NFIB: variants seen among roughly 807,000 people sequenced by gnomAD.
NFIB encodes the protein nuclear factor 1 B-type.
In NFIB, 11 loss-of-function variants were observed where a neutral mutation model predicts 61.5. The observed-to-expected ratio is 0.18, with a 90% CI of 0.11 to 0.30. The LOEUF is 0.30. Among genes scored for constraint, NFIB ranks in the 10% least tolerant of loss-of-function variants. The pLI is 1.00. For synonymous variants in NFIB, 260 were observed against 216.5 expected (o/e 1.20, Z -1.76); for missense variants, 471 against 608.9 (o/e 0.77, Z 2.38).
chr9:14,117,643 C>T (rs1296361345), intron 8 of NFIB, among the ~76,000 whole-genome samples: 2 of 152,064 alleles, frequency 1.3e-5, no homozygotes, highest in African/African-American at 4.8e-5. Flanking sequence ...CCTCAGAGGC[C>T]ACATTATTTA....
intron 1 of NFIB, among the ~76,000 whole-genome samples, chr9:14,356,426 G>C (rs867032835): frequency 4.6e-5 from 7 of 152,150 alleles, no homozygotes; most frequent in African/African-American, 9.7e-5. Flanking sequence ...AGTGTTTGGG[G>C]TTGAGGGCTA....
the NFIB span, among the ~76,000 whole-genome samples, chr9:14,416,113 A>G: frequency 1.3e-5 from 2 of 152,228 alleles, no homozygotes; most frequent in African/African-American, 4.8e-5. Context: ...AAGCACTGAA[A>G]CAAGCTATAA....
chr9:14,163,463 A>G (rs1387789714), intron 3 of NFIB, among the ~76,000 whole-genome samples: 1 of 151,952 alleles, frequency 6.6e-6, no homozygotes, highest in Non-Finnish European at 1.5e-5. Context: ...GGCAAAGAGA[A>G]ATCAGGCAAA....
At chr9:14,309,653 C>T (rs2060192433) in intron 1 of NFIB, among the ~76,000 whole-genome samples, 1 of 152,226 alleles carries the variant, frequency 6.6e-6, no homozygotes, top group Non-Finnish European at 1.5e-5. Context: ...GATAAGACCT[C>T]CCTATCTCCA....
intron 1 of NFIB, among the ~76,000 whole-genome samples, chr9:14,353,664 A>T (rs1025935658): frequency 6.6e-6 from 1 of 152,102 alleles, no homozygotes; most frequent in African/African-American, 2.4e-5. Flanking sequence ...CTGGTGTCCG[A>T]CTGGCCGCCG....
chr9:14,435,383 A>C, the NFIB span, among the ~76,000 whole-genome samples: 1 of 152,258 alleles, frequency 6.6e-6, no homozygotes, highest in East Asian at 1.9e-4. Flanking sequence ...TAGCATACAA[A>C]TTGTGGAACC....
chr9:14,391,340 C>T (rs1175284945), intron 1 of NFIB, among the ~76,000 whole-genome samples: 2 of 5,706 alleles, frequency 3.5e-4, no homozygotes, highest in African/African-American at 1.9e-3. Context: ...TGCCCCCCCC[C>T]CACCCCCCGC....
At chr9:14,367,108 A>G (rs2061309435) in intron 1 of NFIB, among the ~76,000 whole-genome samples, 1 of 152,206 alleles carries the variant, frequency 6.6e-6, no homozygotes, top group African/African-American at 2.4e-5. Flanking sequence ...AATTCTACTC[A>G]GTGCAACAGT....
intron 6 of NFIB, among the ~76,000 whole-genome samples, chr9:14,141,996 T>C (rs12376251): frequency 5.3e-5 from 8 of 151,990 alleles, no homozygotes; most frequent in African/African-American, 1.9e-4. Context: ...AAATGTCTAT[T>C]AAATGTTTTA....
chr9:14,422,553 A>G, the NFIB span, among the ~76,000 whole-genome samples: 2 of 152,242 alleles, frequency 1.3e-5, no homozygotes, highest in Non-Finnish European at 2.9e-5. Flanking sequence ...TAAGAAGGCA[A>G]TAAGGCTTAA....
intron 10 of NFIB, among the ~76,000 whole-genome samples, chr9:14,090,167 C>A (rs1287382443): frequency 6.6e-6 from 1 of 152,060 alleles, no homozygotes; most frequent in Non-Finnish European, 1.5e-5. Flanking sequence ...ATAGGTATCT[C>A]TGAATTTAAA....
At chr9:14,197,714 G>A (rs1049328059) in intron 2 of NFIB, among the ~76,000 whole-genome samples, 2 of 152,272 alleles carry the variant, frequency 1.3e-5, no homozygotes, top group African/African-American at 2.4e-5. Flanking sequence ...AAATTAGTGT[G>A]GTGTTTCTTA....
intron 2 of NFIB, among the ~76,000 whole-genome samples, chr9:14,219,995 G>A (rs759631044): frequency 1.1e-4 from 16 of 152,250 alleles, no homozygotes; most frequent in Middle Eastern, 6.8e-3. Flanking sequence ...TCCAACTCCA[G>A]TCTTGGGAGC....
At chr9:14,199,905 G>A (rs1257667353) in intron 2 of NFIB, among the ~76,000 whole-genome samples, 5 of 152,070 alleles carry the variant, frequency 3.3e-5, no homozygotes, top group Non-Finnish European at 5.9e-5. Flanking sequence ...AGGTATTTCT[G>A]TATGTACTAG....
chr9:14,195,740 A>C (rs1337966354), intron 2 of NFIB, among the ~76,000 whole-genome samples: 1 of 152,160 alleles, frequency 6.6e-6, no homozygotes, highest in South Asian at 2.1e-4. Context: ...ACACTGTTCA[A>C]CTTTCTTTTC....
intron 2 of NFIB, among the ~76,000 whole-genome samples, chr9:14,296,742 C>A (rs1271577387): frequency 6.6e-6 from 1 of 152,216 alleles, no homozygotes; most frequent in Non-Finnish European, 1.5e-5. Context: ...GCTTTAGTGT[C>A]TGTAAGTCAC....
At chr9:14,212,505 A>C (rs1304032403) in intron 2 of NFIB, among the ~76,000 whole-genome samples, 1 of 152,218 alleles carries the variant, frequency 6.6e-6, no homozygotes, top group Non-Finnish European at 1.5e-5. Flanking sequence ...ACTAACAACT[A>C]GGTTAAATTC....
intron 1 of NFIB, among the ~76,000 whole-genome samples, chr9:14,377,542 A>G (rs2061433867): frequency 6.6e-6 from 1 of 152,220 alleles, no homozygotes; most frequent in Non-Finnish European, 1.5e-5. Context: ...ATCAGCACCT[A>G]TACCCAGTAC....
At position 14,348,196 on chromosome 9, in the gene NFIB, G is replaced by T. The variant is rs377036837; in HGVS notation, c.109-40676C>A. Among the ~76,000 whole-genome samples, 20 of 152,328 alleles carry T rather than the reference G, an allele frequency of 1.3e-4. No homozygotes were observed. In the East Asian group the frequency reaches 3.9e-3, roughly 29 times the overall value. On this transcript the variant is annotated intron_variant, in intron 1 of 8. Transcript: ENST00000380934. ...GGCATTCCGCTTTTCCTTACTGTGC[G>T]CCAGGGGAAGGCATAATTCAATTAT...
Sources: allele counts gnomAD v4.1 joint callset (sites outside exome capture counted in the v4.1 genomes callset), GRCh38; gene constraint gnomAD v4.1.1; transcripts MANE v1.5; gene names NCBI Gene and HGNC (gene_info 2026-07-23, HGNC 2026-07-21).